Variants in CYP26B1 observed in about 807,000 individuals in gnomAD.
The protein encoded by CYP26B1 is cytochrome P450 26B1.
In CYP26B1, 8 loss-of-function variants were observed where a neutral mutation model predicts 39.1. That is an observed-to-expected ratio of 0.20 (90% CI 0.12 to 0.37). The LOEUF (loss-of-function observed/expected upper bound fraction) is 0.37, where lower values mean the gene tolerates loss of function less well. CYP26B1 is among the 10% of genes least tolerant of loss of function. The pLI is 1.00. For missense variants in CYP26B1, 615 were observed against 707.0 expected (o/e 0.87, Z 1.48); for synonymous variants, 321 against 314.3 (o/e 1.02, Z -0.23).
rs764629575 is a variant in CYP26B1 at position 72,134,850 on chromosome 2, T to G, written c.772A>C (p.Thr258Pro). Residue 258 changes from threonine to proline, a missense_variant, in exon 4 of 6, where the codon ACA (threonine) becomes CCA (proline). Thr to Pro is a conservative substitution (Grantham distance 38, BLOSUM62 -1). Coordinates refer to ENST00000001146, the MANE Select transcript of CYP26B1 (RefSeq NM_019885.4). ...EKAIREKLQC[T>P]QGKDYLDALD... ...GCGTCCAAGTAGTCCTTGCCCTGTG[T>G]GCACTGCAGCTTCTCCCGGATGGCC... 6.2e-7 allele frequency: 1 copy of G among 1,614,156 alleles called. No homozygotes were observed. The highest frequency in any genetic ancestry group is 8.5e-7 in the Non-Finnish European group (1 of 1,179,994).
At chr2:72,141,104 C>T (rs1243682670) in intron 2 of CYP26B1, among the ~76,000 whole-genome samples, 2 of 152,174 alleles carry the variant, frequency 1.3e-5, no homozygotes, top group Admixed American at 6.5e-5. Context: ...CTGTCTCACC[C>T]CCACCTTCCT....
Position 72,144,228 on chromosome 2 carries a change from C to T in CYP26B1, c.205-15G>A. 1 of 1,577,442 alleles carries T rather than the reference C, an allele frequency of 6.3e-7. No homozygotes were observed. Among genetic ancestry groups the T allele is most frequent in the Non-Finnish European group, 8.7e-7 (1 of 1,155,852 alleles). Reference sequence around the variant, plus strand: ...AAGCCAGAACCCTGCGGGAGCCACACCCGGGTCTCTCTCAGGGTGCACTTC... The same window carrying T: ...AAGCCAGAACCCTGCGGGAGCCACATCCGGGTCTCTCTCAGGGTGCACTTC... On this transcript the variant is annotated splice_polypyrimidine_tract_variant and intron_variant, in intron 1 of 5. Coordinates refer to ENST00000001146, the MANE Select transcript of CYP26B1 (RefSeq NM_019885.4).
chr2:72,132,761 C>T lies in CYP26B1; in HGVS notation c.1147-142G>A, dbSNP rs186476641. ...GACACCCCACTGTGGCCCCCAAGGC[C>T]TGGCCAGCCTGCCCCATTCAGCATG... On this transcript the variant is annotated intron_variant, in intron 5 of 5. Transcript: ENST00000001146. 3 of 1,458,278 alleles carry T rather than the reference C, an allele frequency of 2.1e-6. No homozygotes were observed. In the Admixed American group the frequency reaches 6.7e-5, roughly 33 times the overall value. The allele number at this position is 1,458,278 out of a possible 1,614,324, so 90.3% of individuals were successfully genotyped here.
At chr2:72,139,450 G>A (rs1322446419) in intron 2 of CYP26B1, among the ~76,000 whole-genome samples, 1 of 152,166 alleles carries the variant, frequency 6.6e-6, no homozygotes, top group Non-Finnish European at 1.5e-5. Context: ...TGGGTGTGTG[G>A]GGCTGGGTAC....
rs1253046683 is a variant in CYP26B1, at chr2:72,130,556, G to A, written c.*1671C>T. 6.6e-6 allele frequency: 1 copy of A among 152,150 alleles called. No homozygotes were observed. The highest frequency in any genetic ancestry group is 1.5e-5 in the Non-Finnish European group (1 of 68,022). 9.4% of individuals were successfully genotyped at this position (152,150 alleles called of 1,614,324 possible). On this transcript the variant is annotated 3_prime_UTR_variant, in exon 6 of 6. Coordinates refer to ENST00000001146, the MANE Select transcript of CYP26B1 (RefSeq NM_019885.4). The stretch of plus-strand genomic sequence containing the variant: ...GTGCTCACAGCAGCGATCGGGGACT[G>A]GCATGTCCTTCATTCTTCTGTGTTT...
At chr2:72,133,364 C>T (rs1377407917) in intron 4 of CYP26B1, 57 bp from the exon 5 acceptor site, 32 of 1,568,948 alleles carry the variant, frequency 2.0e-5, no homozygotes, top group Middle Eastern at 1.9e-4. Flanking sequence ...AGGCAGGGGC[C>T]GCCCCATTCA....
At chr2:72,144,510 G>C (rs1416736931) in intron 1 of CYP26B1, 1 of 1,172,148 alleles carries the variant, frequency 8.5e-7, no homozygotes, top group Non-Finnish European at 1.1e-6. Flanking sequence ...GACCCGAAGC[G>C]GGAGTCTCCG....
At position 72,143,981 on chromosome 2, in the gene CYP26B1, G is replaced by C; in HGVS notation, c.429+8C>G. On this transcript the variant is annotated splice_region_variant and intron_variant, in intron 2 of 5. Transcript: ENST00000001146. ...GATTGCGCGGAAGAAAACGGGCAGAGTTCTTACCTTGCGCTTGTTGCGGTG... is the reference window on the plus strand; with the variant it reads ...GATTGCGCGGAAGAAAACGGGCAGACTTCTTACCTTGCGCTTGTTGCGGTG... 1 of 1,613,332 alleles carries C rather than the reference G, an allele frequency of 6.2e-7. No individual in the cohort carries two copies. Among genetic ancestry groups the C allele is most frequent in the Non-Finnish European group, 8.5e-7 (1 of 1,179,988 alleles).
intron 2 of CYP26B1, among the ~76,000 whole-genome samples, chr2:72,138,749 G>A (rs901848138): frequency 6.6e-6 from 1 of 152,098 alleles, no homozygotes; most frequent in Non-Finnish European, 1.5e-5. Context: ...TCAGGCAGGA[G>A]GGAGGAGGGC....
intron 4 of CYP26B1, among the ~76,000 whole-genome samples, chr2:72,133,935 C>A (rs953380195): frequency 6.6e-6 from 1 of 152,202 alleles, no homozygotes; most frequent in Non-Finnish European, 1.5e-5. Flanking sequence ...GGGTTCCCCA[C>A]AGAAAGGCCC....
chr2:72,135,841 G>T (rs1216809649), intron 2 of CYP26B1, among the ~76,000 whole-genome samples: 3 of 152,168 alleles, frequency 2.0e-5, no homozygotes, highest in Admixed American at 1.3e-4. Flanking sequence ...TTACTTGCTG[G>T]AAAACACCTA....
At chr2:72,138,365 GGCGGC>G (rs1676838852) in intron 2 of CYP26B1, among the ~76,000 whole-genome samples, 1 of 152,140 alleles carries the variant, frequency 6.6e-6, no homozygotes, top group African/African-American at 2.4e-5. Context: ...GGGCGGCCAG[GGCGGC>G]GTCAGGGCGG....
At chr2:72,139,080 G>A (rs1676864526) in intron 2 of CYP26B1, among the ~76,000 whole-genome samples, 1 of 152,164 alleles carries the variant, frequency 6.6e-6, no homozygotes, top group African/African-American at 2.4e-5. Context: ...GCTGGCAGGT[G>A]TGGACAGATG....
In CYP26B1 at chr2:72,135,317, C is replaced by A; in HGVS notation, c.532G>T (p.Ala178Ser). 6.2e-7 allele frequency: 1 copy of A among 1,614,064 alleles called. No homozygotes were observed. ...TLRAWSSHPE[A>S]INVYQEAQKL... ...TGCGCCTCCTGGTACACGTTGATGGCCTCGGGGTGGCTGCTCCAGGCGCGC... is the reference window on the plus strand; with the variant it reads ...TGCGCCTCCTGGTACACGTTGATGGACTCGGGGTGGCTGCTCCAGGCGCGC... The change falls in exon 3 of 6, where the codon GCC becomes TCC. Residue 178 changes from alanine (A) to serine (S), a missense_variant. Ala to Ser is a moderately conservative substitution (Grantham distance 99). Transcript: ENST00000001146.
At chr2:72,141,814 G>C (rs1326985742) in intron 2 of CYP26B1, among the ~76,000 whole-genome samples, 1 of 152,230 alleles carries the variant, frequency 6.6e-6, no homozygotes, top group Non-Finnish European at 1.5e-5. Context: ...GAAATCATCA[G>C]TTAGGGAGAT....
Position 72,132,105 on chromosome 2 carries a change from A to T in CYP26B1, c.*122T>A. On this transcript the variant is annotated 3_prime_UTR_variant, in exon 6 of 6. Coordinates refer to ENST00000001146, the MANE Select transcript of CYP26B1 (RefSeq NM_019885.4). ...TAGGGTTTGCCAGGGAGGGGGAGCA[A>T]GGGAGGGCAAGTATGGGGGCCACTC... is the stretch of plus-strand genomic sequence containing the variant. The T allele has an allele frequency of 8.6e-7, 1 of 1,161,800 alleles. No homozygotes were observed. The highest frequency in any genetic ancestry group is 1.2e-6 in the Non-Finnish European group (1 of 819,958). The allele number at this position is 1,161,800 out of a possible 1,614,324, so 72.0% of individuals were successfully genotyped here.
At chr2:72,136,350 C>T (rs545680901) in intron 2 of CYP26B1, among the ~76,000 whole-genome samples, 2 of 152,336 alleles carry the variant, frequency 1.3e-5, no homozygotes, top group South Asian at 4.1e-4. Context: ...ACTGCCCCCC[C>T]AAACACAACC....
intron 1 of CYP26B1, among the ~76,000 whole-genome samples, chr2:72,145,345 C>G (rs1418669986): frequency 2.0e-5 from 3 of 152,218 alleles, no homozygotes; most frequent in Non-Finnish European, 4.4e-5. Flanking sequence ...GCCCTAATCA[C>G]TTTTCCACAT....
intron 4 of CYP26B1, 53 bp from the exon 5 acceptor site, chr2:72,133,360 G>A: frequency 1.9e-6 from 3 of 1,573,398 alleles, no homozygotes; most frequent in East Asian, 2.3e-5. Flanking sequence ...AGCCAGGCAG[G>A]GGCCGCCCCA....
Sources: gnomAD v4.1 joint callset for allele counts (sites outside exome capture counted in the v4.1 genomes callset) on GRCh38, gnomAD v4.1.1 for gene constraint, MANE v1.5 for transcripts, NCBI Gene and HGNC (gene_info 2026-07-23, HGNC 2026-07-21) for gene names.